The following GDAP2 variants were observed in gnomAD, a reference collection of about 807,000 sequenced individuals.
The protein encoded by GDAP2 is ganglioside induced differentiation associated protein 2.
Under a neutral mutation model 67.0 loss-of-function variants are expected in GDAP2, and 51 were observed. The observed-to-expected ratio is 0.76, with a 90% CI of 0.61 to 0.96. The LOEUF is 0.96. Among genes scored for constraint, GDAP2 ranks in the 40% least tolerant of loss-of-function variants. The probability of loss-of-function intolerance (pLI) is 0.00; values close to 1 mark genes in which losing one functional copy is unlikely to be tolerated. For synonymous variants in GDAP2, 203 were observed against 207.3 expected (o/e 0.98, Z 0.18); for missense variants, 547 against 588.3 (o/e 0.93, Z 0.73).
Position 117,863,729 on chromosome 1 carries a change from G to A in GDAP2, c.*6840C>T, listed in dbSNP as rs1164044886. ...TAAATTATGTTTTATAAAAGCATGC[G>A]CTTTGGAGTCAGATCTGGATTTGAA... is the stretch of plus-strand genomic sequence containing the variant. On this transcript the variant is annotated 3_prime_UTR_variant, in exon 14 of 14. Transcript: ENST00000369443. 2 of 152,080 alleles carry A rather than the reference G, an allele frequency of 1.3e-5. No individual in the cohort carries two copies. The highest frequency in any genetic ancestry group is 2.9e-5 in the Non-Finnish European group (2 of 68,018). 9.4% of individuals were successfully genotyped at this position (152,080 alleles called of 1,614,324 possible).
At chr1:117,906,675 G>C in intron 5 of GDAP2, 93 bp from the exon 6 acceptor site, 1 of 693,400 alleles carries the variant, frequency 1.4e-6, no homozygotes, top group South Asian at 1.7e-5. Context: ...TTTTGTAATG[G>C]ATCACTTCTC....
intron 8 of GDAP2, among the ~76,000 whole-genome samples, chr1:117,894,788 C>A (rs985897023): frequency 1.3e-5 from 2 of 152,018 alleles, no homozygotes; most frequent in Non-Finnish European, 2.9e-5. Flanking sequence ...GTGACCCTGA[C>A]ATTTCAAGAA....
At chr1:117,884,480 C>A (rs367819878) in intron 10 of GDAP2, among the ~76,000 whole-genome samples, 2 of 152,144 alleles carry the variant, frequency 1.3e-5, no homozygotes, top group East Asian at 3.9e-4. Flanking sequence ...GAGTCCTTGA[C>A]ATTAACATGG....
chr1:117,913,388 C>T (rs1246437053), intron 3 of GDAP2: 3 of 150,812 alleles, frequency 2.0e-5, no homozygotes, highest in South Asian at 4.2e-4. Context: ...CCAGCCAGCA[C>T]AGTAAGGTGA....
intron 4 of GDAP2, 90 bp from the exon 5 acceptor site, chr1:117,912,172 C>G: frequency 1.3e-6 from 1 of 779,120 alleles, no homozygotes; most frequent in Non-Finnish European, 2.3e-6. Context: ...TCTAGCTCAA[C>G]TTCTCCTTTC....
In GDAP2 at chr1:117,912,095, G is replaced by A; in HGVS notation, c.471-13C>T. The A allele has an allele frequency of 2.6e-6, 4 of 1,528,748 alleles. No homozygotes were observed. Among genetic ancestry groups the A allele is most frequent in the Non-Finnish European group, 3.6e-6 (4 of 1,102,780 alleles). 94.7% of individuals were successfully genotyped at this position (1,528,748 alleles called of 1,614,324 possible). ...CATTGACTGCTCTCTGCAACAAAGG[G>A]AAAACACAAAAATTGCACTAGAAAT... On this transcript the variant is annotated splice_polypyrimidine_tract_variant and intron_variant, in intron 4 of 13. Transcript: ENST00000369443.
rs775820054 is a variant in GDAP2, at chr1:117,899,195, G to A, written c.658C>T (p.Pro220Ser). The A allele has an allele frequency of 6.2e-7, 1 of 1,612,114 alleles. No homozygotes were observed. Among genetic ancestry groups the A allele is most frequent in the Non-Finnish European group, 8.5e-7 (1 of 1,178,200 alleles). Residue 220 changes from proline to serine, a missense_variant, in exon 7 of 14, where the codon CCT becomes TCT. By Grantham distance (74) the Pro-to-Ser change is moderately conservative (BLOSUM62 -1). Coordinates refer to ENST00000369443, the MANE Select transcript of GDAP2 (RefSeq NM_017686.4). Reference protein sequence around the residue: ...LEEGTYQKLLPLYFPRSLKEE... With the variant: ...LEEGTYQKLLSLYFPRSLKEE... ...TTTAATGACCTTGGGAAGTAGAGAG[G>A]TAGCAGCTTTTGGTAAGTACCCTGT...
chr1:117,884,813 C>CGTGTGTGT (rs35296112), intron 10 of GDAP2, among the ~76,000 whole-genome samples: 1,733 of 147,928 alleles, frequency 0.012, 43 homozygotes, highest in South Asian at 0.093. Context: ...TTATTCCCTC[C>CGTGTGTGT]GTGTGTGTGT....
chr1:117,924,975 A>AT (rs1409644802), intron 1 of GDAP2, among the ~76,000 whole-genome samples: 2 of 152,214 alleles, frequency 1.3e-5, no homozygotes, highest in African/African-American at 4.8e-5. Flanking sequence ...TTACCTGCAG[A>AT]TTTTTTATGA....
intron 3 of GDAP2, among the ~76,000 whole-genome samples, chr1:117,912,891 G>T (rs1049149915): frequency 6.6e-6 from 1 of 152,192 alleles, no homozygotes; most frequent in African/African-American, 2.4e-5. Context: ...GACAGATAAA[G>T]AGAATGAGAA....
Position 117,927,465 on chromosome 1 carries a change from T to C in GDAP2, c.-68+1983A>G, listed in dbSNP as rs535183352. Among the ~76,000 whole-genome samples, 35 of 152,322 alleles carry C rather than the reference T, an allele frequency of 2.3e-4. No individual in the cohort carries two copies. The South Asian group carries it at 7.3e-3, about 32-fold the overall frequency. Reference sequence around the variant, plus strand: ...TTACCTGTCTTTCAAAATGCTTACATTGATCAGACCAGCCTGGATAACAAC... The same window carrying C: ...TTACCTGTCTTTCAAAATGCTTACACTGATCAGACCAGCCTGGATAACAAC... On this transcript the variant is annotated intron_variant, in intron 1 of 13. Transcript: ENST00000369443.
chr1:117,890,378 C>A (rs1435140296), intron 8 of GDAP2, among the ~76,000 whole-genome samples: 1 of 152,008 alleles, frequency 6.6e-6, no homozygotes, highest in Non-Finnish European at 1.5e-5. Flanking sequence ...TCATTTCTAG[C>A]CAATTCCTAG....
chr1:117,921,935 A>G lies in GDAP2; in HGVS notation c.-67-1511T>C, dbSNP rs147811580. 1.2e-4 allele frequency among the ~76,000 whole-genome samples: 18 copies of G among 152,304 alleles called. No individual in the cohort carries two copies. In the South Asian group the frequency reaches 1.7e-3, roughly 14 times the overall value. ...ATAGACAGTAGGGAGAAAGAGCAGAACCAAAGATAACTTCTGGATTACTTG... is the reference window on the plus strand; with the variant it reads ...ATAGACAGTAGGGAGAAAGAGCAGAGCCAAAGATAACTTCTGGATTACTTG... On this transcript the variant is annotated intron_variant, in intron 1 of 13. Coordinates refer to ENST00000369443, the MANE Select transcript of GDAP2 (RefSeq NM_017686.4).
intron 13 of GDAP2, among the ~76,000 whole-genome samples, chr1:117,872,718 A>G (rs1476814860): frequency 1.3e-5 from 2 of 152,044 alleles, no homozygotes; most frequent in African/African-American, 2.4e-5. Context: ...TTAGGGGAAT[A>G]AGCTAATGCA....
chr1:117,912,871 T>C (rs1382706599), intron 3 of GDAP2, among the ~76,000 whole-genome samples, 188 bp from the exon 4 acceptor site: 1 of 152,162 alleles, frequency 6.6e-6, no homozygotes. Flanking sequence ...ACAATAGGTA[T>C]AAGCACAGAG....
chr1:117,883,249 T>C (rs1156730177), intron 11 of GDAP2: 2 of 393,030 alleles, frequency 5.1e-6, no homozygotes, highest in Non-Finnish European at 9.3e-6. Flanking sequence ...AAGGTAGTAT[T>C]TTTGTTATTT....
At chr1:117,908,653 T>C (rs964832303) in intron 5 of GDAP2, among the ~76,000 whole-genome samples, 1 of 151,890 alleles carries the variant, frequency 6.6e-6, no homozygotes, top group African/African-American at 2.4e-5. Flanking sequence ...AGACCCTGTG[T>C]TTACCAAATT....
At chr1:117,886,234 C>G (rs1472260198) in intron 10 of GDAP2, among the ~76,000 whole-genome samples, 1 of 151,986 alleles carries the variant, frequency 6.6e-6, no homozygotes, top group Non-Finnish European at 1.5e-5. Flanking sequence ...CTAATAGATA[C>G]TCAAACATTA....
In GDAP2 at chr1:117,916,165, G is replaced by C. The variant is rs80103134; in HGVS notation, c.316+2432C>G. On this transcript the variant is annotated intron_variant, in intron 3 of 13. Coordinates refer to ENST00000369443, the MANE Select transcript of GDAP2 (RefSeq NM_017686.4). ...AGCCAACAAGAGAGAAGTACTGCAG[G>C]CTGGCAGCACATACTATGGGTGGTC... 2.7e-3 allele frequency among the ~76,000 whole-genome samples: 409 copies of C among 152,292 alleles called. 5 individuals carry two copies. The East Asian group carries it at 0.033, about 12-fold the overall frequency.
Sources: gnomAD v4.1 joint callset for allele counts (sites outside exome capture counted in the v4.1 genomes callset) on GRCh38, gnomAD v4.1.1 for gene constraint, MANE v1.5 for transcripts, NCBI Gene and HGNC (gene_info 2026-07-23, HGNC 2026-07-21) for gene names.